The following LARGE1 variants were observed in gnomAD, a reference collection of about 807,000 sequenced individuals.
LARGE1 encodes xylosyl- and glucuronyltransferase LARGE1.
Under a neutral mutation model 87.6 loss-of-function variants are expected in LARGE1, and 43 were observed. The observed-to-expected ratio is 0.49, with a 90% CI of 0.38 to 0.63. The LOEUF is 0.63. Among genes scored for constraint, LARGE1 ranks in the 30% least tolerant of loss-of-function variants. The pLI, the probability that LARGE1 is intolerant of heterozygous loss-of-function variation, is 0.00. For synonymous variants in LARGE1, 434 were observed against 394.6 expected, an observed-to-expected ratio of 1.10 and a Z score of -1.18; for missense variants, 802 against 1,000.2, an observed-to-expected ratio of 0.80 and a Z score of 2.67.
At chr22:33,848,080 T>C (rs560899307) in intron 1 of LARGE1, among the ~76,000 whole-genome samples, 7 of 152,198 alleles carry the variant, frequency 4.6e-5, no homozygotes, top group Non-Finnish European at 7.3e-5. Flanking sequence ...CTACTCCCTA[T>C]AGTCAATTAA....
chr22:33,729,990 G>A (rs1048373164), intron 2 of LARGE1, among the ~76,000 whole-genome samples: 2 of 151,998 alleles, frequency 1.3e-5, no homozygotes, highest in African/African-American at 4.8e-5. Context: ...GCATGCGTGT[G>A]TGTGTGCGTG....
At chr22:33,574,918 G>A (rs539803623) in intron 5 of LARGE1, among the ~76,000 whole-genome samples, 1 of 152,114 alleles carries the variant, frequency 6.6e-6, no homozygotes, top group Non-Finnish European at 1.5e-5. Context: ...CATGAGCTAA[G>A]AGATGTGATC....
intron 2 of LARGE1, among the ~76,000 whole-genome samples, chr22:33,700,945 G>C (rs1388498571): frequency 6.6e-6 from 1 of 152,188 alleles, no homozygotes; most frequent in Non-Finnish European, 1.5e-5. Context: ...TCTGAGGTGA[G>C]CAGCTGGCAG....
intron 1 of LARGE1, among the ~76,000 whole-genome samples, chr22:33,793,685 T>A (rs1207028022): frequency 6.6e-6 from 1 of 152,086 alleles, no homozygotes; most frequent in Non-Finnish European, 1.5e-5. Context: ...AAAATCCTTC[T>A]CCCTAAATAG....
intron 2 of LARGE1, among the ~76,000 whole-genome samples, chr22:33,730,006 G>A (rs547373904): frequency 2.2e-4 from 33 of 152,112 alleles, no homozygotes; most frequent in Middle Eastern, 6.8e-3. Context: ...GCGTGCATGC[G>A]TGCGTGTGTG....
At chr22:33,217,863 C>T (rs1925278901) in intron 11 of LARGE1, among the ~76,000 whole-genome samples, 1 of 152,100 alleles carries the variant, frequency 6.6e-6, no homozygotes, top group Admixed American at 6.5e-5. Flanking sequence ...AGTGATCCTC[C>T]CCTACTTAGC....
chr22:33,364,358 A>G (rs1183771607), intron 9 of LARGE1, among the ~76,000 whole-genome samples: 2 of 151,932 alleles, frequency 1.3e-5, no homozygotes, highest in Non-Finnish European at 2.9e-5. Context: ...TGTCCGGCCT[A>G]TTTTCATTCT....
Position 33,908,295 on chromosome 22 carries a change from G to A in LARGE1, c.-83+11700C>T, listed in dbSNP as rs115021528. Among the ~76,000 whole-genome samples, 755 of 152,252 alleles carry A rather than the reference G, an allele frequency of 5.0e-3. 3 individuals carry two copies. Among genetic ancestry groups the A allele is most frequent in the Non-Finnish European group, 6.9e-3 (470 of 68,036 alleles). On this transcript the variant is annotated intron_variant, in intron 1 of 14. Coordinates refer to ENST00000397394, the MANE Select transcript of LARGE1 (RefSeq NM_133642.5). ...TCTAGCAAAACAGTCAGGTTACGGC[G>A]CAGAAAGTGCAGCTGCAGAAGTCAG...
At chr22:33,139,500 T>C in the LARGE1 span, among the ~76,000 whole-genome samples, 1 of 152,160 alleles carries the variant, frequency 6.6e-6, no homozygotes, top group South Asian at 2.1e-4. Context: ...CTTCTTAGGA[T>C]CACAAAACTT....
In LARGE1 at chr22:33,578,118, C is replaced by T. The variant is rs7290869; in HGVS notation, c.616-13099G>A. On this transcript the variant is annotated intron_variant, in intron 5 of 14. Transcript: ENST00000397394. The stretch of plus-strand genomic sequence containing the variant: ...TAATATTGACATTCACCTCCCCCCG[C>T]CAACAACAGGCCTTTACTGTTTAAT... Among the ~76,000 whole-genome samples the T allele has an allele frequency of 1.8e-3, 269 of 152,328 alleles. 1 individual carries two copies. The highest frequency in any genetic ancestry group is 6.3e-3 in the African/African-American group (262 of 41,566).
chr22:33,520,421 C>T (rs1298342207), intron 6 of LARGE1, among the ~76,000 whole-genome samples: 1 of 152,158 alleles, frequency 6.6e-6, no homozygotes, highest in Non-Finnish European at 1.5e-5. Flanking sequence ...ATGGGGGTGG[C>T]TGTTCTCCAA....
chr22:33,163,759 T>C (rs1381700733), exon 12 of LARGE1: 1 of 152,250 alleles, frequency 6.6e-6, no homozygotes, highest in Non-Finnish European at 1.5e-5. Flanking sequence ...TGGTGATCTC[T>C]AGCTATTCTG....
intron 2 of LARGE1, among the ~76,000 whole-genome samples, chr22:33,705,438 T>C (rs2082532813): frequency 6.6e-6 from 1 of 152,184 alleles, no homozygotes; most frequent in Non-Finnish European, 1.5e-5. Context: ...GCGATGTTGA[T>C]CCCACCAGTA....
chr22:33,255,663 T>C (rs1193569009), intron 11 of LARGE1, among the ~76,000 whole-genome samples: 1 of 152,250 alleles, frequency 6.6e-6, no homozygotes, highest in Non-Finnish European at 1.5e-5. Flanking sequence ...AACCTTTAAA[T>C]GCATTCCTCT....
At chr22:33,630,010 T>C (rs1376282736) in intron 3 of LARGE1, among the ~76,000 whole-genome samples, 2 of 152,146 alleles carry the variant, frequency 1.3e-5, no homozygotes. Context: ...CCAGCCTGGC[T>C]AACATGGTGA....
downstream of LARGE1, among the ~76,000 whole-genome samples, chr22:33,270,647 A>G (rs1398721015): frequency 6.6e-6 from 1 of 152,176 alleles, no homozygotes; most frequent in African/African-American, 2.4e-5. Flanking sequence ...AGTTCTTATT[A>G]TCTCTACCAA....
chr22:33,301,159 C>T (rs1255684607), intron 12 of LARGE1, among the ~76,000 whole-genome samples: 1 of 152,176 alleles, frequency 6.6e-6, no homozygotes, highest in Non-Finnish European at 1.5e-5. Context: ...CTGGTAACGT[C>T]TGGGTCAGAA....
At chr22:33,336,409 A>T (rs997746341) in intron 10 of LARGE1, among the ~76,000 whole-genome samples, 3 of 152,088 alleles carry the variant, frequency 2.0e-5, no homozygotes, top group African/African-American at 7.2e-5. Flanking sequence ...CATGTTAGCC[A>T]GGCTTGTCTT....
rs147312780 is a variant in LARGE1 at position 33,712,372 on chromosome 22, C to T, written c.106+48999G>A. Among the ~76,000 whole-genome samples, 288 of 152,154 alleles carry T rather than the reference C, an allele frequency of 1.9e-3. 1 individual carries two copies. The highest frequency in any genetic ancestry group is 6.1e-3 in the African/African-American group (254 of 41,494). On this transcript the variant is annotated intron_variant, in intron 2 of 14. Coordinates refer to ENST00000397394, the MANE Select transcript of LARGE1 (RefSeq NM_133642.5). Reference sequence around the variant, plus strand: ...CATCTAAACAGCCTTCAGGCAGGCACGAGAAGACGGATCACAGGCTCGAAG... The same window carrying T: ...CATCTAAACAGCCTTCAGGCAGGCATGAGAAGACGGATCACAGGCTCGAAG...
Sources: gnomAD v4.1 joint callset for allele counts (sites outside exome capture counted in the v4.1 genomes callset) on GRCh38, gnomAD v4.1.1 for gene constraint, MANE v1.5 for transcripts, NCBI Gene and HGNC (gene_info 2026-07-23, HGNC 2026-07-21) for gene names.